The following CTNNA3 variants were observed in gnomAD, a reference collection of about 807,000 sequenced individuals.
CTNNA3 encodes the protein catenin alpha 3.
A neutral mutation model predicts 95.7 loss-of-function variants in CTNNA3; 76 were observed. The observed-to-expected ratio is 0.79, with a 90% CI of 0.66 to 0.96. The LOEUF is 0.96. CTNNA3 is among the 40% of genes least tolerant of loss of function. The pLI is 0.00. For missense variants in CTNNA3, 1,191 were observed against 1,089.8 expected, an observed-to-expected ratio of 1.09 and a Z score of -1.31; for synonymous variants, 431 against 374.4, an observed-to-expected ratio of 1.15 and a Z score of -1.74.
At chr10:66,217,706 A>G (rs1249510862) in intron 13 of CTNNA3, among the ~76,000 whole-genome samples, 1 of 152,160 alleles carries the variant, frequency 6.6e-6, no homozygotes, top group Non-Finnish European at 1.5e-5. Context: ...GTTTGTTTTT[A>G]AGAAACTGCC....
At chr10:67,167,622 T>C (rs899225688) in intron 7 of CTNNA3, among the ~76,000 whole-genome samples, 1 of 152,202 alleles carries the variant, frequency 6.6e-6, no homozygotes, top group African/African-American at 2.4e-5. Flanking sequence ...TTGCAAAATG[T>C]GAAATATTGT....
intron 13 of CTNNA3, among the ~76,000 whole-genome samples, chr10:66,231,131 C>A (rs572495666): frequency 6.6e-6 from 1 of 152,242 alleles, no homozygotes; most frequent in South Asian, 2.1e-4. Context: ...GCTCTCTATA[C>A]TTGACTCAGC....
At chr10:67,156,781 TG>T (rs1333102585) in intron 7 of CTNNA3, among the ~76,000 whole-genome samples, 1 of 152,152 alleles carries the variant, frequency 6.6e-6, no homozygotes, top group African/African-American at 2.4e-5. Context: ...TGGAATGTTC[TG>T]TCCATGTTTT....
chr10:67,043,369 G>A (rs1359412287), intron 7 of CTNNA3, among the ~76,000 whole-genome samples: 1 of 151,850 alleles, frequency 6.6e-6, no homozygotes, highest in Non-Finnish European at 1.5e-5. Flanking sequence ...CAATAATAGT[G>A]GTCTGCTCAA....
chr10:67,142,692 G>A (rs1860631630), intron 7 of CTNNA3, among the ~76,000 whole-genome samples: 1 of 152,192 alleles, frequency 6.6e-6, no homozygotes, highest in Non-Finnish European at 1.5e-5. Context: ...CCAGCACTTT[G>A]GGAGGCCGAG....
chr10:66,158,980 A>C (rs755310045), intron 13 of CTNNA3, among the ~76,000 whole-genome samples: 5 of 152,024 alleles, frequency 3.3e-5, no homozygotes, highest in Admixed American at 1.3e-4. Context: ...GTTGTATAGA[A>C]GAGCTACTGA....
chr10:67,732,801 A>G (rs1841282776), intron 1 of CTNNA3, among the ~76,000 whole-genome samples: 1 of 152,174 alleles, frequency 6.6e-6, no homozygotes, highest in Admixed American at 6.5e-5. Context: ...GTATCAACAC[A>G]GTGTAATATA....
rs528630136 is a variant in CTNNA3, at chr10:66,458,443, A to T, written c.1531+62174T>A. On this transcript the variant is annotated intron_variant, in intron 11 of 17. Coordinates refer to ENST00000433211, the MANE Select transcript of CTNNA3 (RefSeq NM_013266.4). Reference sequence around the variant, plus strand: ...GTAAAATATACGTAACACAAAATTTATCATGCAAGTCATTTGGATGTGTAC... The same window carrying T: ...GTAAAATATACGTAACACAAAATTTTTCATGCAAGTCATTTGGATGTGTAC... Among the ~76,000 whole-genome samples, 91 of 152,356 alleles carry T rather than the reference A, an allele frequency of 6.0e-4. 1 individual carries two copies. The highest frequency in any genetic ancestry group is 1.2e-3 in the Non-Finnish European group (81 of 68,030).
At chr10:67,118,808 T>A (rs1179419031) in intron 7 of CTNNA3, among the ~76,000 whole-genome samples, 1 of 151,910 alleles carries the variant, frequency 6.6e-6, no homozygotes, top group Non-Finnish European at 1.5e-5. Flanking sequence ...AAACTACACA[T>A]AAATGTCATC....
intron 5 of CTNNA3, among the ~76,000 whole-genome samples, chr10:67,465,232 A>G (rs1847542576): frequency 6.6e-6 from 1 of 152,048 alleles, no homozygotes; most frequent in African/African-American, 2.4e-5. Context: ...ACAGAATTTT[A>G]TTTTTTTAAA....
chr10:67,643,350 AGCTAATGGAC>A (rs1221274796), intron 2 of CTNNA3, among the ~76,000 whole-genome samples: 5 of 152,026 alleles, frequency 3.3e-5, no homozygotes, highest in African/African-American at 1.2e-4. Flanking sequence ...CAGGAAGAAT[AGCTAATGGAC>A]GCTGGGCTTA....
At chr10:66,459,036 TC>T (rs1481580670) in intron 11 of CTNNA3, among the ~76,000 whole-genome samples, 5 of 152,152 alleles carry the variant, frequency 3.3e-5, no homozygotes, top group Admixed American at 1.3e-4. Context: ...CCCTCCTGCC[TC>T]CCCTTCCACT....
chr10:66,764,740 G>A (rs574138486), intron 9 of CTNNA3, among the ~76,000 whole-genome samples: 78 of 152,158 alleles, frequency 5.1e-4, no homozygotes, highest in African/African-American at 1.4e-3. Flanking sequence ...ATTTCTTCCC[G>A]CCTTACTTTT....
intron 5 of CTNNA3, among the ~76,000 whole-genome samples, chr10:67,246,701 T>A (rs1273260677): frequency 6.6e-6 from 1 of 152,178 alleles, no homozygotes; most frequent in Non-Finnish European, 1.5e-5. Context: ...ATTACCCAAA[T>A]TCATGGGACA....
chr10:66,477,300 T>G (rs1316201445), intron 11 of CTNNA3, among the ~76,000 whole-genome samples: 2 of 152,114 alleles, frequency 1.3e-5, no homozygotes, highest in Non-Finnish European at 2.9e-5. Flanking sequence ...TGTTTGTATT[T>G]GGGTTTATCT....
chr10:67,000,396 T>C (rs917195063), intron 7 of CTNNA3, among the ~76,000 whole-genome samples: 8 of 152,170 alleles, frequency 5.3e-5, no homozygotes, highest in African/African-American at 1.9e-4. Flanking sequence ...GAAGGTTAAA[T>C]GCAGGAGAAA....
At chr10:65,975,761 A>G (rs1173022298) in intron 16 of CTNNA3, among the ~76,000 whole-genome samples, 1 of 152,108 alleles carries the variant, frequency 6.6e-6, no homozygotes, top group Non-Finnish European at 1.5e-5. Flanking sequence ...AGTTTCAGAG[A>G]GAGTAAATGA....
At chr10:66,638,949 T>G (rs959607029) in intron 9 of CTNNA3, among the ~76,000 whole-genome samples, 4 of 152,220 alleles carry the variant, frequency 2.6e-5, no homozygotes, top group Non-Finnish European at 4.4e-5. Context: ...CAATATGTTT[T>G]TTTTAATCTT....
At chr10:66,123,338 C>A (rs751672849) in intron 13 of CTNNA3, among the ~76,000 whole-genome samples, 1 of 152,176 alleles carries the variant, frequency 6.6e-6, no homozygotes, top group Non-Finnish European at 1.5e-5. Flanking sequence ...GACTCCATGT[C>A]TCGCATCCGG....
Sources: allele counts gnomAD v4.1 joint callset (sites outside exome capture counted in the v4.1 genomes callset), GRCh38; gene constraint gnomAD v4.1.1; transcripts MANE v1.5; gene names NCBI Gene and HGNC (gene_info 2026-07-23, HGNC 2026-07-21).